RNGTT: variants seen among roughly 807,000 people sequenced by gnomAD.
RNGTT encodes RNA guanylyltransferase and 5'-phosphatase, also known as mRNA-capping enzyme.
RNGTT carries 33 observed loss-of-function variants against 79.3 expected under a neutral mutation model. That is an observed-to-expected ratio of 0.42 (90% CI 0.32 to 0.56). RNGTT has a LOEUF of 0.56. RNGTT is among the 20% of genes least tolerant of loss of function. RNGTT has a pLI of 0.17. For missense variants in RNGTT, 497 were observed against 739.1 expected (o/e 0.67, Z 3.80); for synonymous variants, 222 against 235.9 (o/e 0.94, Z 0.54).
intron 13 of RNGTT, among the ~76,000 whole-genome samples, chr6:88,687,392 C>G (rs1775316927): frequency 6.6e-6 from 1 of 152,194 alleles, no homozygotes; most frequent in Non-Finnish European, 1.5e-5. Flanking sequence ...TACACATGCA[C>G]TTAGCTTTTG....
intron 14 of RNGTT, among the ~76,000 whole-genome samples, chr6:88,639,874 G>A (rs1173314445): frequency 1.3e-5 from 2 of 152,098 alleles, no homozygotes; most frequent in African/African-American, 2.4e-5. Context: ...TACAAATGAG[G>A]AAACTAAGGC....
chr6:88,822,880 G>A (rs775668087), intron 11 of RNGTT, among the ~76,000 whole-genome samples: 1 of 152,122 alleles, frequency 6.6e-6, no homozygotes, highest in South Asian at 2.1e-4. Flanking sequence ...AATAACAAGC[G>A]GGGAGGGTGA....
chr6:88,623,557 G>A (rs1772517630), intron 14 of RNGTT, among the ~76,000 whole-genome samples: 1 of 151,840 alleles, frequency 6.6e-6, no homozygotes, highest in Non-Finnish European at 1.5e-5. Context: ...TATAATCTTA[G>A]TATATGTGTT....
chr6:88,932,371 C>A (rs1419493825), intron 2 of RNGTT, among the ~76,000 whole-genome samples: 5 of 152,112 alleles, frequency 3.3e-5, no homozygotes, highest in Non-Finnish European at 7.4e-5. Context: ...TCTAGTTTCG[C>A]CCTGACCTTG....
chr6:88,831,568 T>C (rs1292491575), intron 11 of RNGTT, among the ~76,000 whole-genome samples: 1 of 152,110 alleles, frequency 6.6e-6, no homozygotes, highest in South Asian at 2.1e-4. Flanking sequence ...CTATTCAACA[T>C]AGTATTGAAG....
At chr6:88,801,437 A>G (rs1256648681) in intron 12 of RNGTT, 127 bp downstream of exon 12, 6 of 579,652 alleles carry the variant, frequency 1.0e-5, no homozygotes, top group African/African-American at 1.9e-5. Context: ...AGTGGCAATC[A>G]CAGCAGTAAT....
chr6:88,642,506 G>A (rs1298888884), intron 14 of RNGTT, among the ~76,000 whole-genome samples: 3 of 152,148 alleles, frequency 2.0e-5, no homozygotes, highest in Non-Finnish European at 4.4e-5. Flanking sequence ...CATTTCTATA[G>A]AGGTTCTTCT....
At chr6:88,632,168 C>T (rs1479423120) in intron 14 of RNGTT, among the ~76,000 whole-genome samples, 3 of 152,176 alleles carry the variant, frequency 2.0e-5, no homozygotes, top group East Asian at 1.9e-4. Context: ...CACCATGTTG[C>T]CCAGGCTGGT....
chr6:88,771,350 T>TATATACACAC (rs376503141), intron 12 of RNGTT, among the ~76,000 whole-genome samples: 4 of 116,256 alleles, frequency 3.4e-5, no homozygotes, highest in African/African-American at 1.2e-4. Flanking sequence ...TATATATATA[T>TATATACACAC]ACACACACAC....
chr6:88,764,388 A>G (rs1778374488), intron 13 of RNGTT, among the ~76,000 whole-genome samples: 1 of 152,214 alleles, frequency 6.6e-6, no homozygotes, highest in South Asian at 2.1e-4. Context: ...TTCAACCTCA[A>G]AGCTCTAGGA....
chr6:88,892,010 T>A (rs1000090216), intron 6 of RNGTT, 95 bp from the exon 7 acceptor site: 2 of 843,658 alleles, frequency 2.4e-6, no homozygotes, highest in Non-Finnish European at 3.5e-6. Context: ...TAAATTAGTT[T>A]GTTCTCACAA....
chr6:88,840,468 C>T (rs1562279808), intron 11 of RNGTT, among the ~76,000 whole-genome samples: 1 of 152,232 alleles, frequency 6.6e-6, no homozygotes. Context: ...ACAATCTTGG[C>T]TCACTGTAGC....
intron 13 of RNGTT, among the ~76,000 whole-genome samples, chr6:88,755,471 CA>C (rs1236539114): frequency 2.0e-5 from 3 of 150,134 alleles, no homozygotes; most frequent in African/African-American, 7.3e-5. Context: ...ACAACAACGA[CA>C]AAAAAAAACT....
chr6:88,858,699 G>A (rs1276439377), intron 8 of RNGTT, among the ~76,000 whole-genome samples: 4 of 152,172 alleles, frequency 2.6e-5, no homozygotes, highest in East Asian at 1.9e-4. Flanking sequence ...CAACGGCAAC[G>A]CTGATATTAA....
At chr6:88,925,290 C>T (rs988561129) in intron 4 of RNGTT, among the ~76,000 whole-genome samples, 2 of 152,018 alleles carry the variant, frequency 1.3e-5, no homozygotes, top group Non-Finnish European at 1.5e-5. Flanking sequence ...AAATAATAAG[C>T]ATTTATTAAT....
At chr6:88,798,697 G>C (rs1031109410) in intron 12 of RNGTT, among the ~76,000 whole-genome samples, 1 of 152,172 alleles carries the variant, frequency 6.6e-6, no homozygotes, top group Non-Finnish European at 1.5e-5. Context: ...TACCGAAGAG[G>C]CATTACTGCC....
chr6:88,912,704 T>C (rs946078029), intron 4 of RNGTT, among the ~76,000 whole-genome samples: 25 of 151,308 alleles, frequency 1.7e-4, no homozygotes, highest in Admixed American at 1.6e-3. Flanking sequence ...ATGACAAAGG[T>C]GACATTACGA....
At position 88,767,678 on chromosome 6, in the gene RNGTT, C is replaced by CAA. The variant is rs58712575; in HGVS notation, c.1439+2094_1439+2095dup. On this transcript the variant is annotated intron_variant, in intron 13 of 15. Transcript: ENST00000369485. Reference sequence around the variant, plus strand: ...TTCGAAGAACTATATTCACTTGTGTCAAAAAAAAAAAAAAAAAAAAAAAAA... The same window carrying CAA: ...TTCGAAGAACTATATTCACTTGTGTCAAAAAAAAAAAAAAAAAAAAAAAAAAA... 2.7e-3 allele frequency among the ~76,000 whole-genome samples: 229 copies of CAA among 83,484 alleles called. 7 individuals carry two copies. Among genetic ancestry groups the CAA allele is most frequent in the African/African-American group, 8.5e-3 (213 of 24,972 alleles). The allele number at this position is 83,484 out of a possible 152,430, so 54.8% of individuals were successfully genotyped here. A position where few individuals can be genotyped will look rare whatever the true frequency, so the allele number is the denominator to read the frequency against.
intron 9 of RNGTT, among the ~76,000 whole-genome samples, chr6:88,851,328 A>C (rs1043655720): frequency 6.6e-6 from 1 of 152,024 alleles, no homozygotes; most frequent in Admixed American, 6.6e-5. Context: ...TTATTAGCAC[A>C]ACAAAGTTAC....
Sources: gnomAD v4.1 joint callset for allele counts (sites outside exome capture counted in the v4.1 genomes callset) on GRCh38, gnomAD v4.1.1 for gene constraint, MANE v1.5 for transcripts, NCBI Gene and HGNC (gene_info 2026-07-23, HGNC 2026-07-21) for gene names.